Variants in KCNQ1 observed in about 807,000 individuals in gnomAD.
The protein encoded by KCNQ1 is potassium voltage-gated channel subfamily KQT member 1.
Under a neutral mutation model 72.4 loss-of-function variants are expected in KCNQ1, and 49 were observed. That is an observed-to-expected ratio of 0.68 (90% CI 0.54 to 0.86). The LOEUF (loss-of-function observed/expected upper bound fraction) is 0.86. KCNQ1 is among the 40% of genes least tolerant of loss of function. The pLI, the probability that KCNQ1 is intolerant of heterozygous loss-of-function variation, is 0.00. For missense variants in KCNQ1, 790 were observed against 945.1 expected, an observed-to-expected ratio of 0.84 and a Z score of 2.15; for synonymous variants, 450 against 412.6, an observed-to-expected ratio of 1.09 and a Z score of -1.10.
chr11:2,548,859 G>T (rs1290927703), intron 2 of KCNQ1, among the ~76,000 whole-genome samples: 1 of 152,236 alleles, frequency 6.6e-6, no homozygotes, highest in Non-Finnish European at 1.5e-5. Context: ...TGTCTGAGGA[G>T]AAGTTCGCCA....
chr11:2,733,262 AGAG>A (rs1432056525), intron 11 of KCNQ1, among the ~76,000 whole-genome samples: 1 of 122,082 alleles, frequency 8.2e-6, no homozygotes, highest in Non-Finnish European at 1.6e-5. Context: ...TTGTGTGTCC[AGAG>A]GGAAGGGGCA....
chr11:2,844,547 C>T (rs994592987), intron 15 of KCNQ1, among the ~76,000 whole-genome samples: 1 of 152,232 alleles, frequency 6.6e-6, no homozygotes, highest in Non-Finnish European at 1.5e-5. Flanking sequence ...CCTGTGGCTG[C>T]CTCCCGACCC....
At chr11:2,726,071 A>G (rs1387632831) in intron 11 of KCNQ1, among the ~76,000 whole-genome samples, 2 of 152,096 alleles carry the variant, frequency 1.3e-5, no homozygotes, top group African/African-American at 4.8e-5. Context: ...GCAGCCATGC[A>G]TACAGAGCCA....
At chr11:2,542,674 C>T (rs1475521670) in intron 2 of KCNQ1, among the ~76,000 whole-genome samples, 1 of 152,076 alleles carries the variant, frequency 6.6e-6, no homozygotes, top group Non-Finnish European at 1.5e-5. Flanking sequence ...AGACGGTTGG[C>T]GTTTTCTGGG....
intron 2 of KCNQ1, among the ~76,000 whole-genome samples, chr11:2,554,332 C>A (rs1039096791): frequency 1.3e-5 from 2 of 152,198 alleles, no homozygotes; most frequent in Non-Finnish European, 1.5e-5. Context: ...CAGGGCTATG[C>A]AGGTTGTCTA....
chr11:2,666,079 C>A lies in KCNQ1; in HGVS notation c.1514+3998C>A. 7.5e-6 allele frequency: 3 copies of A among 398,674 alleles called. No homozygotes were observed. In the East Asian group the frequency reaches 1.1e-4, roughly 14 times the overall value. The allele number at this position is 398,674 out of a possible 1,614,324, so 24.7% of individuals were successfully genotyped here. A position where few individuals can be genotyped will look rare whatever the true frequency, so the allele number is the denominator to read the frequency against. ...AGGACAGGCCCATAAGCCCTGCAGC[C>A]TATGGCTCTGCCCAGCCCAGTCATG... On this transcript the variant is annotated intron_variant, in intron 11 of 15. Coordinates refer to ENST00000155840, the MANE Select transcript of KCNQ1 (RefSeq NM_000218.3).
At chr11:2,799,919 G>T (rs1847225474) in intron 15 of KCNQ1, among the ~76,000 whole-genome samples, 1 of 152,146 alleles carries the variant, frequency 6.6e-6, no homozygotes, top group Admixed American at 6.5e-5. Context: ...CTGCCCGTCA[G>T]TCCTCATGTC....
rs1849691371 is a variant in KCNQ1, at chr11:2,647,937, G to T, written c.1394-14024G>T. The stretch of plus-strand genomic sequence containing the variant: ...TTTCAAAAAATCAGTTTTTTGGCTG[G>T]GTTTGTTGGCTCACACCTGTAAACC... On this transcript the variant is annotated intron_variant, in intron 10 of 15. Coordinates refer to ENST00000155840, the MANE Select transcript of KCNQ1 (RefSeq NM_000218.3). This position sits in a 1 kb window ranked among gnomAD's most constrained non-coding sequence, Gnocchi z 4.0. The T allele has an allele frequency of 1.3e-5, 5 of 398,238 alleles. No homozygotes were observed. Among genetic ancestry groups the T allele is most frequent in the Non-Finnish European group, 2.2e-5 (5 of 226,010 alleles). The allele number at this position is 398,238 out of a possible 1,614,324, so 24.7% of individuals were successfully genotyped here. A position where few individuals can be genotyped will look rare whatever the true frequency, so the allele number is the denominator to read the frequency against.
At chr11:2,610,092 C>G (rs1466258897) in intron 10 of KCNQ1, 2 of 397,738 alleles carry the variant, frequency 5.0e-6, no homozygotes, top group Non-Finnish European at 8.9e-6. Flanking sequence ...TCCTCTATTT[C>G]TCCTTTGCTG....
chr11:2,651,153 A>G lies in KCNQ1; in HGVS notation c.1394-10808A>G, dbSNP rs983494705. 7.5e-6 allele frequency: 3 copies of G among 398,598 alleles called. No homozygotes were observed. Among genetic ancestry groups the G allele is most frequent in the African/African-American group, 6.2e-5 (3 of 48,638 alleles). 24.7% of individuals were successfully genotyped at this position (398,598 alleles called of 1,614,324 possible). A position where few individuals can be genotyped will look rare whatever the true frequency, so the allele number is the denominator to read the frequency against. On this transcript the variant is annotated intron_variant, in intron 10 of 15. Transcript: ENST00000155840. The surrounding 1 kb of genome is among the most constrained non-coding windows in gnomAD (Gnocchi z 6.1). ...CAGCTCAAGGGAGTTCTTTAAATGT[A>G]CAGTGGATCTTGCTGCTTCCCTACT...
At chr11:2,834,304 AG>A (rs1460711000) in intron 15 of KCNQ1, among the ~76,000 whole-genome samples, 1 of 151,956 alleles carries the variant, frequency 6.6e-6, no homozygotes, top group Non-Finnish European at 1.5e-5. Context: ...CAGATCATGG[AG>A]GGCGCCCAGG....
chr11:2,670,094 G>T lies in KCNQ1; in HGVS notation c.1514+8013G>T, dbSNP rs151126111. 6.1e-4 allele frequency: 243 copies of T among 398,718 alleles called. 1 individual carries two copies. Among genetic ancestry groups the T allele is most frequent in the Admixed American group, 1.1e-3 (25 of 22,744 alleles). 24.7% of individuals were successfully genotyped at this position (398,718 alleles called of 1,614,324 possible). A position where few individuals can be genotyped will look rare whatever the true frequency, so the allele number is the denominator to read the frequency against. On this transcript the variant is annotated intron_variant, in intron 11 of 15. Coordinates refer to ENST00000155840, the MANE Select transcript of KCNQ1 (RefSeq NM_000218.3). The surrounding 1 kb of genome is among the most constrained non-coding windows in gnomAD (Gnocchi z 4.9). ...GGGTTGGAGGCAGAATCAGTGGACT[G>T]TGTCTCATGGCAGTCACAGGTGCCC...
In KCNQ1 at chr11:2,473,160, C is replaced by T. The variant is rs942790234; in HGVS notation, c.386+27676C>T. On this transcript the variant is annotated intron_variant, in intron 1 of 15. Coordinates refer to ENST00000155840, the MANE Select transcript of KCNQ1 (RefSeq NM_000218.3). The surrounding 1 kb of genome is among the most constrained non-coding windows in gnomAD (Gnocchi z 6.0). ...TGCTGGAAGCTGCAGGAGCTGCTGC[C>T]TGTGGCTGAGGAGAGGCCAGGACGG... Among the ~76,000 whole-genome samples the T allele has an allele frequency of 6.6e-6, 1 of 152,134 alleles. No homozygotes were observed. The highest frequency in any genetic ancestry group is 1.5e-5 in the Non-Finnish European group (1 of 68,024).
Position 2,774,052 on chromosome 11 carries a change from A to G in KCNQ1, c.1591-1908A>G, listed in dbSNP as rs541059526. 4.6e-5 allele frequency among the ~76,000 whole-genome samples: 7 copies of G among 151,906 alleles called. No homozygotes were observed. The East Asian group carries it at 1.4e-3, about 30-fold the overall frequency. On this transcript the variant is annotated intron_variant, in intron 12 of 15. Transcript: ENST00000155840. The stretch of plus-strand genomic sequence containing the variant: ...ACAGAAAAGAGAATTAAGACTCAAC[A>G]TCCCATTTCATAGAAGAGAACTCAG...
chr11:2,835,574 G>T (rs1380479396), intron 15 of KCNQ1, among the ~76,000 whole-genome samples: 2 of 152,152 alleles, frequency 1.3e-5, no homozygotes, highest in Non-Finnish European at 2.9e-5. Context: ...GTACAGCAAG[G>T]GCAGAAGCCC....
Position 2,682,807 on chromosome 11 carries a change from C to A in KCNQ1, c.1514+20726C>A, listed in dbSNP as rs1453929934. 3 of 398,490 alleles carry A rather than the reference C, an allele frequency of 7.5e-6. No homozygotes were observed. In the East Asian group the frequency reaches 1.1e-4, roughly 14 times the overall value. 24.7% of individuals were successfully genotyped at this position (398,490 alleles called of 1,614,324 possible). The stretch of plus-strand genomic sequence containing the variant: ...GGGCACCATGAAATGCAGTGACTTG[C>A]AGTGATCCTCCTGGGGCCTTGTATA... On this transcript the variant is annotated intron_variant, in intron 11 of 15. Coordinates refer to ENST00000155840, the MANE Select transcript of KCNQ1 (RefSeq NM_000218.3). The surrounding 1 kb of genome is among the most constrained non-coding windows in gnomAD (Gnocchi z 5.8).
rs1465055828 is a variant in KCNQ1 at position 2,481,177 on chromosome 11, A to G, written c.386+35693A>G. Among the ~76,000 whole-genome samples the G allele has an allele frequency of 2.6e-5, 4 of 152,242 alleles. No homozygotes were observed. In the East Asian group the frequency reaches 7.7e-4, roughly 29 times the overall value. ...TCCAAAGCAGATGACAATTCCAGTT[A>G]CTCCTCACCAGACATAAGAAAATGC... On this transcript the variant is annotated intron_variant, in intron 1 of 15. Transcript: ENST00000155840. This position sits in a 1 kb window ranked among gnomAD's most constrained non-coding sequence, Gnocchi z 4.6.
intron 10 of KCNQ1, chr11:2,649,042 T>C (rs548745912): frequency 2.5e-6 from 1 of 394,560 alleles, no homozygotes; most frequent in African/African-American, 2.1e-5. Context: ...CTGCATGCTT[T>C]TGGTGTCTGT....
Position 2,673,804 on chromosome 11 carries a change from C to A in KCNQ1, c.1514+11723C>A. 1 of 398,680 alleles carries A rather than the reference C, an allele frequency of 2.5e-6. No homozygotes were observed. The highest frequency in any genetic ancestry group is 4.4e-6 in the Non-Finnish European group (1 of 226,150). The allele number at this position is 398,680 out of a possible 1,614,324, so 24.7% of individuals were successfully genotyped here. A position where few individuals can be genotyped will look rare whatever the true frequency, so the allele number is the denominator to read the frequency against. On this transcript the variant is annotated intron_variant, in intron 11 of 15. Coordinates refer to ENST00000155840, the MANE Select transcript of KCNQ1 (RefSeq NM_000218.3). The surrounding 1 kb of genome is among the most constrained non-coding windows in gnomAD (Gnocchi z 4.5). Reference sequence around the variant, plus strand: ...CTCTGGTGCAAAGGGCAGTGATGGCCCTTCAATCCCAGGCCCACAAGCACC... The same window carrying A: ...CTCTGGTGCAAAGGGCAGTGATGGCACTTCAATCCCAGGCCCACAAGCACC...
Sources: gnomAD v4.1 joint callset for allele counts (sites outside exome capture counted in the v4.1 genomes callset) on GRCh38, gnomAD v4.1.1 for gene constraint, Gnocchi (gnomAD v3.1) non-coding constraint, MANE v1.5 for transcripts, NCBI Gene and HGNC (gene_info 2026-07-23, HGNC 2026-07-21) for gene names.